The following CMC2 variants were observed in gnomAD, a reference collection of about 807,000 sequenced individuals.
CMC2 encodes COX assembly mitochondrial protein 2 homolog.
In CMC2, 5 loss-of-function variants were observed where a neutral mutation model predicts 7.5. The ratio of observed to expected loss-of-function variants is 0.66; its 90% CI spans 0.35 to 1.40. CMC2 has a LOEUF of 1.40. Ranked by LOEUF, CMC2 falls within the 40% of genes most tolerant of loss-of-function variation. The pLI is 0.04. For synonymous variants in CMC2, 37 were observed against 31.4 expected, an observed-to-expected ratio of 1.18 and a Z score of -0.60; for missense variants, 115 against 92.3, an observed-to-expected ratio of 1.25 and a Z score of -1.01.
At chr16:80,995,806 C>A (rs1271592438) in intron 2 of CMC2, among the ~76,000 whole-genome samples, 2 of 152,140 alleles carry the variant, frequency 1.3e-5, no homozygotes, top group African/African-American at 4.8e-5. Context: ...GCACAGGAAA[C>A]TGATAGAAAT....
At chr16:80,997,064 T>C in intron 2 of CMC2, 1 of 547,840 alleles carries the variant, frequency 1.8e-6, no homozygotes, top group South Asian at 1.8e-5. Context: ...AGAACATGGA[T>C]TCCAACTGTT....
chr16:80,968,227 T>C lies in CMC2; in HGVS notation c.*7866A>G, dbSNP rs1363331695. The stretch of plus-strand genomic sequence containing the variant: ...TCAGGGTGGGGTCTAAAACTCTCCA[T>C]TTCTTTTTTTTATTTTTATTTTTGT... On this transcript the variant is annotated 3_prime_UTR_variant, in exon 4 of 4. Coordinates refer to ENST00000219400, the MANE Select transcript of CMC2 (RefSeq NM_020188.5). 2.7e-5 allele frequency: 4 copies of C among 145,750 alleles called. No homozygotes were observed. Among genetic ancestry groups the C allele is most frequent in the Admixed American group, 1.3e-4 (2 of 14,870 alleles). The allele number at this position is 145,750 out of a possible 1,614,324, so 9.0% of individuals were successfully genotyped here.
Position 81,001,605 on chromosome 16 carries a change from T to G in CMC2, c.-35-4176A>C, listed in dbSNP as rs187478318. Among the ~76,000 whole-genome samples, 23 of 152,220 alleles carry G rather than the reference T, an allele frequency of 1.5e-4. No individual in the cohort carries two copies. In the East Asian group the frequency reaches 3.9e-3, roughly 26 times the overall value. ...CCACTGAACTGTGCATTTAAATGGT[T>G]AAGATGGTAAATTTTATGTTACGTG... On this transcript the variant is annotated intron_variant, in intron 1 of 3. Coordinates refer to ENST00000219400, the MANE Select transcript of CMC2 (RefSeq NM_020188.5).
In CMC2 at chr16:80,987,527, G is replaced by C. The variant is rs565380502; in HGVS notation, c.82-5650C>G. 3.1e-3 allele frequency among the ~76,000 whole-genome samples: 478 copies of C among 152,276 alleles called. 5 individuals are homozygous for C. The highest frequency in any genetic ancestry group is 0.029 in the South Asian group (140 of 4,826). On this transcript the variant is annotated intron_variant, in intron 2 of 3. Transcript: ENST00000219400. The stretch of plus-strand genomic sequence containing the variant: ...GACGAAATAAGCTGTTCTAAATTCT[G>C]TATTTTACCTTCAGATGCAAAGAAT...
chr16:80,974,881 A>G lies in CMC2; in HGVS notation c.*1212T>C, dbSNP rs1912166240. 6.6e-6 allele frequency: 1 copy of G among 152,242 alleles called. No homozygotes were observed. Among genetic ancestry groups the G allele is most frequent in the African/African-American group, 2.4e-5 (1 of 41,466 alleles). 9.4% of individuals were successfully genotyped at this position (152,242 alleles called of 1,614,324 possible). A position where few individuals can be genotyped will look rare whatever the true frequency, so the allele number is the denominator to read the frequency against. On this transcript the variant is annotated 3_prime_UTR_variant, in exon 4 of 4. Coordinates refer to ENST00000219400, the MANE Select transcript of CMC2 (RefSeq NM_020188.5). ...TCACTGAATGTCTGTTATGCTCTGT[A>G]ATCGACGTACTGAGCGAAAGTCCAG...
chr16:80,978,373 T>A, intron 3 of CMC2: 1 of 1,269,928 alleles, frequency 7.9e-7, no homozygotes, highest in Non-Finnish European at 1.0e-6. Context: ...ATAGTCTACA[T>A]TAAAATATGC....
At position 80,967,228 on chromosome 16, in the gene CMC2, T is replaced by G. The variant is rs545765566; in HGVS notation, c.*8865A>C. On this transcript the variant is annotated 3_prime_UTR_variant, in exon 4 of 4. Transcript: ENST00000219400. ...ATCATGAACTTGCTCATAAATTATCTGCTAGCTTAACTAAAATTTTAGCAG... is the reference window on the plus strand; with the variant it reads ...ATCATGAACTTGCTCATAAATTATCGGCTAGCTTAACTAAAATTTTAGCAG... 4.6e-5 allele frequency: 7 copies of G among 152,366 alleles called. No homozygotes were observed. In the East Asian group the frequency reaches 1.3e-3, roughly 29 times the overall value. 9.4% of individuals were successfully genotyped at this position (152,366 alleles called of 1,614,324 possible). A position where few individuals can be genotyped will look rare whatever the true frequency, so the allele number is the denominator to read the frequency against.
At chr16:81,001,620 T>C (rs536888162) in intron 1 of CMC2, among the ~76,000 whole-genome samples, 1 of 152,320 alleles carries the variant, frequency 6.6e-6, no homozygotes, top group East Asian at 1.9e-4. Flanking sequence ...TGGTAAATTT[T>C]ATGTTACGTG....
intron 2 of CMC2, among the ~76,000 whole-genome samples, chr16:80,991,259 C>A (rs1248214252): frequency 6.6e-6 from 1 of 152,120 alleles, no homozygotes; most frequent in East Asian, 1.9e-4. Flanking sequence ...AACAGGGTAA[C>A]TTCCCAGTCC....
In CMC2 at chr16:80,987,799, C is replaced by CA. The variant is rs551592520; in HGVS notation, c.82-5923dup. Among the ~76,000 whole-genome samples the CA allele has an allele frequency of 7.6e-4, 116 of 152,166 alleles. 1 individual carries two copies. Among genetic ancestry groups the CA allele is most frequent in the African/African-American group, 2.5e-3 (105 of 41,542 alleles). On this transcript the variant is annotated intron_variant, in intron 2 of 3. Transcript: ENST00000219400. ...AGGGGTATTCAGGAAGACTAATCAA[C>CA]AAAAAAGACTAAAACAGAATTACAC...
intron 3 of CMC2, chr16:80,978,481 C>T (rs1364390883): frequency 4.4e-5 from 38 of 864,328 alleles, no homozygotes; most frequent in East Asian, 6.6e-5. Context: ...ACAATACAGA[C>T]AGAATGAAAG....
At chr16:81,004,463 G>C (rs7202452) in intron 1 of CMC2, among the ~76,000 whole-genome samples, 14,382 of 152,236 alleles carry the variant, frequency 0.094, 732 homozygotes, top group East Asian at 0.2. Flanking sequence ...CAGTTTGTCA[G>C]TCTCATCTTT....
chr16:81,000,384 T>C (rs1047139707), intron 1 of CMC2, among the ~76,000 whole-genome samples: 1 of 152,126 alleles, frequency 6.6e-6, no homozygotes, highest in African/African-American at 2.4e-5. Context: ...TAGTCCCAGC[T>C]ACTCGAGAGG....
chr16:81,002,675 T>C (rs1157385055), intron 1 of CMC2, among the ~76,000 whole-genome samples: 1 of 152,202 alleles, frequency 6.6e-6, no homozygotes, highest in Non-Finnish European at 1.5e-5. Context: ...GTACATAAAA[T>C]GGTACATATT....
chr16:80,977,014 T>A (rs1236911498), intron 3 of CMC2, among the ~76,000 whole-genome samples: 1 of 151,836 alleles, frequency 6.6e-6, no homozygotes, highest in Non-Finnish European at 1.5e-5. Context: ...AGACATAGAC[T>A]ACAGTGGGCC....
chr16:80,978,978 G>A (rs1966887409), intron 3 of CMC2, among the ~76,000 whole-genome samples: 1 of 152,144 alleles, frequency 6.6e-6, no homozygotes, highest in Non-Finnish European at 1.5e-5. Context: ...TTACTCAGGA[G>A]GCTGAGGCAG....
chr16:80,978,420 A>G (rs1165536597), intron 3 of CMC2: 11 of 1,246,988 alleles, frequency 8.8e-6, no homozygotes, highest in Non-Finnish European at 1.2e-5. Context: ...TGGTCCCTGA[A>G]TAAAAGGGGA....
At chr16:81,000,230 G>A (rs1323637206) in intron 1 of CMC2, among the ~76,000 whole-genome samples, 2 of 152,056 alleles carry the variant, frequency 1.3e-5, no homozygotes, top group Non-Finnish European at 2.9e-5. Flanking sequence ...GGGCACGGTA[G>A]CTCACACCTG....
chr16:80,988,988 T>C (rs1277725777), intron 2 of CMC2, among the ~76,000 whole-genome samples: 1 of 152,232 alleles, frequency 6.6e-6, no homozygotes, highest in African/African-American at 2.4e-5. Flanking sequence ...TCGTGACTTT[T>C]TGGCAGGAAT....
Sources: allele counts gnomAD v4.1 joint callset (sites outside exome capture counted in the v4.1 genomes callset), GRCh38; gene constraint gnomAD v4.1.1; transcripts MANE v1.5; gene names NCBI Gene and HGNC (gene_info 2026-07-23, HGNC 2026-07-21).